Variants in FBXO42 observed in about 807,000 individuals in gnomAD.
FBXO42 encodes F-box only protein 42.
Under a neutral mutation model 71.7 loss-of-function variants are expected in FBXO42, and 12 were observed. That is an observed-to-expected ratio of 0.17 (90% confidence interval 0.11 to 0.27). The LOEUF is 0.27. Ranked by LOEUF, FBXO42 falls within the 10% of genes least tolerant of loss-of-function variation. FBXO42 has a pLI of 1.00. For synonymous variants in FBXO42, 325 were observed against 327.5 expected (o/e 0.99, Z 0.08); for missense variants, 707 against 911.9 (o/e 0.78, Z 2.89).
chr1:16,313,075 G>A (rs1461983195), intron 2 of FBXO42, among the ~76,000 whole-genome samples: 1 of 151,882 alleles, frequency 6.6e-6, no homozygotes, highest in African/African-American at 2.4e-5. Context: ...GATTACAGGC[G>A]TGTTCCACTG....
intron 4 of FBXO42, among the ~76,000 whole-genome samples, chr1:16,287,504 C>A (rs967222547): frequency 3.3e-5 from 5 of 152,136 alleles, no homozygotes; most frequent in African/African-American, 1.2e-4. Context: ...AGAACAATAC[C>A]AGGGGGGCAA....
At chr1:16,278,123 G>T (rs903941277) in intron 4 of FBXO42, among the ~76,000 whole-genome samples, 4 of 152,252 alleles carry the variant, frequency 2.6e-5, no homozygotes, top group African/African-American at 9.6e-5. Flanking sequence ...TTGGGAGGCC[G>T]AGGCGGGCGG....
chr1:16,262,710 CTTTTT>C (rs1445862930), intron 4 of FBXO42, among the ~76,000 whole-genome samples: 1 of 152,104 alleles, frequency 6.6e-6, no homozygotes, highest in Non-Finnish European at 1.5e-5. Flanking sequence ...ATTTCTTTTT[CTTTTT>C]GAGACAGGGT....
intron 3 of FBXO42, among the ~76,000 whole-genome samples, chr1:16,298,941 G>A (rs191227036): frequency 4.6e-5 from 7 of 152,296 alleles, no homozygotes; most frequent in African/African-American, 1.2e-4. Flanking sequence ...TAACTTCTTG[G>A]CAGCTGCTTC....
intron 3 of FBXO42, among the ~76,000 whole-genome samples, chr1:16,304,498 A>G (rs555128224): frequency 2.0e-5 from 3 of 152,178 alleles, no homozygotes; most frequent in East Asian, 3.9e-4. Context: ...TTTGCTGAAC[A>G]TGTATTATGT....
At chr1:16,306,048 A>T in intron 2 of FBXO42, 129 bp from the exon 3 acceptor site, 1 of 670,190 alleles carries the variant, frequency 1.5e-6, no homozygotes, top group Non-Finnish European at 2.5e-6. Context: ...TTTGAGATGG[A>T]GTCTCACTCT....
chr1:16,265,170 CG>C (rs2100458936), intron 4 of FBXO42, among the ~76,000 whole-genome samples: 2 of 152,240 alleles, frequency 1.3e-5, no homozygotes, highest in South Asian at 4.1e-4. Context: ...CTCGGCTCAC[CG>C]CAGCCTCTGC....
intron 1 of FBXO42, among the ~76,000 whole-genome samples, chr1:16,350,743 C>T (rs199826620): frequency 3.0e-5 from 2 of 65,756 alleles, no homozygotes; most frequent in African/African-American, 1.2e-4. Flanking sequence ...TGAGAAACTG[C>T]AAAAAAAAAA....
At chr1:16,335,450 CCTAA>C (rs2082543997) in intron 1 of FBXO42, among the ~76,000 whole-genome samples, 1 of 152,136 alleles carries the variant, frequency 6.6e-6, no homozygotes, top group Non-Finnish European at 1.5e-5. Flanking sequence ...CATATCACTT[CCTAA>C]CTAATCTGCC....
chr1:16,257,691 T>G (rs2081660126), intron 4 of FBXO42, among the ~76,000 whole-genome samples: 1 of 152,216 alleles, frequency 6.6e-6, no homozygotes, highest in African/African-American at 2.4e-5. Flanking sequence ...TACTTTTTTT[T>G]TCCTTTGGAG....
At chr1:16,313,993 G>T (rs374444390) in intron 2 of FBXO42, among the ~76,000 whole-genome samples, 1 of 152,120 alleles carries the variant, frequency 6.6e-6, no homozygotes, top group Non-Finnish European at 1.5e-5. Flanking sequence ...TTGCTCTGTC[G>T]CCCAGGCTGG....
In FBXO42 at chr1:16,248,406, C is replaced by G. The variant is rs1188348053; in HGVS notation, c.*2264G>C. ...AATGGAGTTCAGAGGAACCAGATTA[C>G]TTTCTAAGACAATCAACATATCTGT... On this transcript the variant is annotated 3_prime_UTR_variant, in exon 10 of 10. Transcript: ENST00000375592. 2.0e-5 allele frequency: 3 copies of G among 152,200 alleles called. No individual in the cohort carries two copies. Among genetic ancestry groups the G allele is most frequent in the African/African-American group, 7.2e-5 (3 of 41,438 alleles). 9.4% of individuals were successfully genotyped at this position (152,200 alleles called of 1,614,324 possible).
intron 1 of FBXO42, among the ~76,000 whole-genome samples, chr1:16,342,746 G>A (rs1000571182): frequency 1.6e-4 from 25 of 152,078 alleles, no homozygotes; most frequent in African/African-American, 5.8e-4. Flanking sequence ...CCCCAATGTG[G>A]TGGTGTTAGG....
chr1:16,344,992 C>T (rs367905782), intron 1 of FBXO42, among the ~76,000 whole-genome samples: 6 of 149,968 alleles, frequency 4.0e-5, no homozygotes, highest in African/African-American at 9.8e-5. Context: ...CTAGCTACTC[C>T]GGAGGCTGAG....
intron 4 of FBXO42, among the ~76,000 whole-genome samples, chr1:16,285,622 C>G (rs1299363663): frequency 6.6e-6 from 1 of 152,154 alleles, no homozygotes; most frequent in Non-Finnish European, 1.5e-5. Context: ...ATCTTTATCA[C>G]TCACCCCACA....
rs540723656 is a variant in FBXO42 at position 16,323,321 on chromosome 1, G to A, written c.-17-7886C>T. The stretch of plus-strand genomic sequence containing the variant: ...TAATCCCAGCTACTCGGGAGGCTGA[G>A]GCCAGAGAATCGCTTGAACCTGGGA... On this transcript the variant is annotated intron_variant, in intron 1 of 9. Coordinates refer to ENST00000375592, the MANE Select transcript of FBXO42 (RefSeq NM_018994.3). Among the ~76,000 whole-genome samples the A allele has an allele frequency of 1.2e-4, 19 of 152,170 alleles. No homozygotes were observed. The East Asian group carries it at 3.7e-3, about 29-fold the overall frequency.
At chr1:16,319,804 G>C (rs1303390832) in intron 1 of FBXO42, among the ~76,000 whole-genome samples, 1 of 151,884 alleles carries the variant, frequency 6.6e-6, no homozygotes, top group African/African-American at 2.4e-5. Flanking sequence ...CCAGCTACTC[G>C]GGAGGCTAAG....
chr1:16,276,394 A>G lies in FBXO42; in HGVS notation c.502+18389T>C, dbSNP rs560296020. Among the ~76,000 whole-genome samples, 1,313 of 151,382 alleles carry G rather than the reference A, an allele frequency of 8.7e-3. 11 individuals carry two copies. The highest frequency in any genetic ancestry group is 0.013 in the Non-Finnish European group (900 of 67,808). ...CACTCTGTCTCAAAAAAAAAAAAAA[A>G]AAGAAAAGAAAAGAAAAGAAAACTG... On this transcript the variant is annotated intron_variant, in intron 4 of 9. Coordinates refer to ENST00000375592, the MANE Select transcript of FBXO42 (RefSeq NM_018994.3).
In FBXO42 at chr1:16,253,680, C is replaced by T. The variant is rs775762526; in HGVS notation, c.819G>A (p.Pro273=). ...LDLEQWAWSK[P]NISGPSPHPR... ...GATGAGGACTGGGGCCAGAGATGTT[C>T]GGCTTGGACCACGCCCACTGCTCAA... is the stretch of plus-strand genomic sequence containing the variant. Residue 273 remains proline (P), a synonymous_variant, in exon 7 of 10, where the codon CCG becomes CCA. Coordinates refer to ENST00000375592, the MANE Select transcript of FBXO42 (RefSeq NM_018994.3). The T allele has an allele frequency of 5.0e-6, 8 of 1,614,052 alleles. No individual in the cohort carries two copies. Among genetic ancestry groups the T allele is most frequent in the African/African-American group, 1.3e-5 (1 of 74,924 alleles).
Sources: gnomAD v4.1 joint callset for allele counts (sites outside exome capture counted in the v4.1 genomes callset) on GRCh38, gnomAD v4.1.1 for gene constraint, MANE v1.5 for transcripts, NCBI Gene and HGNC (gene_info 2026-07-23, HGNC 2026-07-21) for gene names.